Variants in MYO3B observed in about 807,000 individuals in gnomAD.
MYO3B encodes myosin IIIB, also known as myosin-IIIb.
In MYO3B, 156 loss-of-function variants were observed where a neutral mutation model predicts 174.6. The ratio of observed to expected loss-of-function variants is 0.89; its 90% CI spans 0.78 to 1.02. The LOEUF (loss-of-function observed/expected upper bound fraction) is 1.02. MYO3B is among the 50% of genes least tolerant of loss of function. MYO3B has a pLI of 0.00. For missense variants in MYO3B, 1,632 were observed against 1,639.4 expected, an observed-to-expected ratio of 1.00 and a Z score of 0.08; for synonymous variants, 563 against 569.1, an observed-to-expected ratio of 0.99 and a Z score of 0.15.
In MYO3B at chr2:170,628,919, C is replaced by T. The variant is rs539146539; in HGVS notation, c.3734-22709C>T. Among the ~76,000 whole-genome samples the T allele has an allele frequency of 7.9e-5, 12 of 152,250 alleles. No homozygotes were observed. The East Asian group carries it at 2.3e-3, about 29-fold the overall frequency. On this transcript the variant is annotated intron_variant, in intron 32 of 34. Coordinates refer to ENST00000408978, the MANE Select transcript of MYO3B (RefSeq NM_138995.5). ...ATAACTCTGATCAGGTCTGGGTTTT[C>T]ATGACTCAAGTGTCATGTTTATGTA...
chr2:170,235,997 GC>G lies in MYO3B; in HGVS notation c.612del (p.Cys205ValfsTer38). ...TPFWMAPEVI[A>X]CEQQYDSSYD... ...TCCTGCTTTTGTCCAATAGGTCATT[GC>G]CTGTGAGCAGCAGTATGACTCTTCC... On this transcript the variant is annotated frameshift_variant, in exon 7 of 35. Transcript: ENST00000408978. LOFTEE classifies it high-confidence loss of function. 2 of 1,614,054 alleles carry G rather than the reference GC, an allele frequency of 1.2e-6. No homozygotes were observed. Among genetic ancestry groups the G allele is most frequent in the African/African-American group, 2.7e-5 (2 of 75,026 alleles).
intron 7 of MYO3B, among the ~76,000 whole-genome samples, chr2:170,323,119 T>G (rs763798706): frequency 6.6e-6 from 1 of 152,210 alleles, no homozygotes; most frequent in Non-Finnish European, 1.5e-5. Context: ...TGTGTCATAA[T>G]TAGGTGCATG....
intron 32 of MYO3B, among the ~76,000 whole-genome samples, chr2:170,625,833 G>A (rs1466421801): frequency 6.6e-6 from 1 of 152,208 alleles, no homozygotes; most frequent in East Asian, 1.9e-4. Flanking sequence ...TTCAGGAGCA[G>A]GTTGTTCAGT....
At chr2:170,533,198 G>C (rs140247292) in intron 30 of MYO3B, among the ~76,000 whole-genome samples, 1 of 152,084 alleles carries the variant, frequency 6.6e-6, no homozygotes, top group African/African-American at 2.4e-5. Context: ...TGACTAGTCA[G>C]CACTCACTGC....
At chr2:170,580,051 GA>G (rs975284948) in intron 32 of MYO3B, among the ~76,000 whole-genome samples, 1 of 151,730 alleles carries the variant, frequency 6.6e-6, no homozygotes, top group African/African-American at 2.4e-5. Context: ...CCGTGCTAGA[GA>G]AAAAAATGGC....
intron 7 of MYO3B, among the ~76,000 whole-genome samples, chr2:170,282,574 C>G (rs1230513429): frequency 6.6e-6 from 1 of 151,988 alleles, no homozygotes; most frequent in East Asian, 1.9e-4. Flanking sequence ...CCTAGGATTT[C>G]TTTGGCTTTT....
rs879649832 is a variant in MYO3B at position 170,472,667 on chromosome 2, T to TTTTA, written c.3014+5958_3014+5961dup. On this transcript the variant is annotated intron_variant, in intron 25 of 34. Transcript: ENST00000408978. ...AGGCAGGGATATTTTTCAGCTCACT[T>TTTTA]TTTATCTATTTATTTATTTATTTAT... Among the ~76,000 whole-genome samples, 1,016 of 136,516 alleles carry TTTTA rather than the reference T, an allele frequency of 7.4e-3. 33 individuals are homozygous for TTTTA. The highest frequency in any genetic ancestry group is 0.051 in the East Asian group (240 of 4,680). 89.6% of individuals were successfully genotyped at this position (136,516 alleles called of 152,430 possible). A position where few individuals can be genotyped will look rare whatever the true frequency, so the allele number is the denominator to read the frequency against.
At chr2:170,564,902 G>A (rs181158619) in intron 32 of MYO3B, among the ~76,000 whole-genome samples, 1 of 152,104 alleles carries the variant, frequency 6.6e-6, no homozygotes, top group Admixed American at 6.6e-5. Context: ...AATTCCATAA[G>A]GTCTCTCTTT....
rs533560959 is a variant in MYO3B at position 170,181,990 on chromosome 2, ATC to A, written c.2+3703_2+3704del. On this transcript the variant is annotated intron_variant, in intron 1 of 34. Coordinates refer to ENST00000408978, the MANE Select transcript of MYO3B (RefSeq NM_138995.5). ...TTAAAATTTACTAGTGAGATTTAGC[ATC>A]TTTTATACATTTAAATTTTTTGAGT... Among the ~76,000 whole-genome samples the A allele has an allele frequency of 7.7e-3, 1,178 of 152,250 alleles. 17 individuals are homozygous for A. Among genetic ancestry groups the A allele is most frequent in the African/African-American group, 0.028 (1,144 of 41,564 alleles).
At chr2:170,372,132 A>AAC in intron 9 of MYO3B, among the ~76,000 whole-genome samples, 1 of 142,662 alleles carries the variant, frequency 7.0e-6, no homozygotes, top group Non-Finnish European at 1.5e-5. Context: ...AAAAAAAAAA[A>AAC]AAAAAAAAAA....
At chr2:170,570,451 T>C (rs557949509) in intron 32 of MYO3B, among the ~76,000 whole-genome samples, 2 of 152,324 alleles carry the variant, frequency 1.3e-5, no homozygotes, top group African/African-American at 4.8e-5. Context: ...TATTTCCATC[T>C]CACCGGTGAG....
rs150956942 is a variant in MYO3B, at chr2:170,343,869, T to C, written c.815+8419T>C. On this transcript the variant is annotated intron_variant, in intron 8 of 34. Transcript: ENST00000408978. ...CAAAATGAGAATAACAATGCTTCTA[T>C]AATAATAACTAGTTGGGATTAAGAT... is the stretch of plus-strand genomic sequence containing the variant. 569 of 152,376 alleles carry C rather than the reference T, an allele frequency of 3.7e-3. 3 individuals carry two copies. The highest frequency in any genetic ancestry group is 0.013 in the African/African-American group (549 of 41,582). The allele number at this position is 152,376 out of a possible 1,614,324, so 9.4% of individuals were successfully genotyped here. A position where few individuals can be genotyped will look rare whatever the true frequency, so the allele number is the denominator to read the frequency against.
chr2:170,350,875 T>G (rs1398743035), intron 8 of MYO3B: 2 of 152,220 alleles, frequency 1.3e-5, no homozygotes, highest in Non-Finnish European at 2.9e-5. Flanking sequence ...TGAAGGATTT[T>G]TGCCTTTAGA....
chr2:170,502,757 G>C (rs1687357973), intron 28 of MYO3B, among the ~76,000 whole-genome samples: 1 of 152,156 alleles, frequency 6.6e-6, no homozygotes, highest in East Asian at 1.9e-4. Context: ...AGCAGAGAGA[G>C]TGATAGGATT....
At chr2:170,542,620 A>G (rs952337822) in intron 30 of MYO3B, among the ~76,000 whole-genome samples, 8 of 152,174 alleles carry the variant, frequency 5.3e-5, no homozygotes, top group Non-Finnish European at 1.2e-4. Context: ...TGGAAGCCCA[A>G]TAGAGCTCGC....
intron 32 of MYO3B, among the ~76,000 whole-genome samples, chr2:170,563,187 G>A (rs1691857842): frequency 6.6e-6 from 1 of 151,464 alleles, no homozygotes; most frequent in African/African-American, 2.4e-5. Context: ...ATCTCAGCAG[G>A]AAACAGATTG....
chr2:170,318,944 G>A (rs1193345281), intron 7 of MYO3B, among the ~76,000 whole-genome samples: 2 of 152,142 alleles, frequency 1.3e-5, no homozygotes, highest in Non-Finnish European at 2.9e-5. Flanking sequence ...CAAGCATAGT[G>A]GAACTTGAGA....
chr2:170,543,058 G>T, intron 31 of MYO3B, 92 bp downstream of exon 31: 1 of 1,025,240 alleles, frequency 9.8e-7, no homozygotes, highest in South Asian at 1.7e-5. Flanking sequence ...CGGCTGCGTG[G>T]TTGGACCATC....
At chr2:170,498,016 T>A (rs80132559) in intron 25 of MYO3B, among the ~76,000 whole-genome samples, 6,933 of 150,646 alleles carry the variant, frequency 0.046, 436 homozygotes, top group African/African-American at 0.14. Flanking sequence ...AACTCTTTAA[T>A]CTGAAAGTTT....
Sources: allele counts gnomAD v4.1 joint callset (sites outside exome capture counted in the v4.1 genomes callset), GRCh38; gene constraint gnomAD v4.1.1; transcripts MANE v1.5; gene names NCBI Gene and HGNC (gene_info 2026-07-23, HGNC 2026-07-21).